The following MAF variants were observed in gnomAD, a reference collection of about 807,000 sequenced individuals.
MAF encodes MAF bZIP transcription factor.
Under a neutral mutation model 22.0 loss-of-function variants are expected in MAF, and 10 were observed. The observed-to-expected ratio is 0.45, with a 90% confidence interval of 0.28 to 0.77. MAF has a LOEUF of 0.77. Among genes scored for constraint, MAF ranks in the 30% least tolerant of loss-of-function variants. The probability of loss-of-function intolerance (pLI) is 0.12; values close to 1 mark genes in which losing one functional copy is unlikely to be tolerated. For synonymous variants in MAF, 337 were observed against 255.8 expected (o/e 1.32, Z -3.03); for missense variants, 544 against 548.4 (o/e 0.99, Z 0.08).
At chr16:79,223,847 C>G in the MAF span, among the ~76,000 whole-genome samples, 1 of 152,244 alleles carries the variant, frequency 6.6e-6, no homozygotes, top group South Asian at 2.1e-4. Flanking sequence ...ATAACAAGTT[C>G]TGAAATTGAG....
chr16:79,446,172 GTC>G, the MAF span, among the ~76,000 whole-genome samples: 1 of 152,182 alleles, frequency 6.6e-6, no homozygotes, highest in Non-Finnish European at 1.5e-5. Context: ...AAGGGGATAT[GTC>G]TCTCTAGGAT....
the MAF span, among the ~76,000 whole-genome samples, chr16:79,521,794 C>T: frequency 0.035 from 5,349 of 152,180 alleles, 341 homozygotes; most frequent in African/African-American, 0.12. Flanking sequence ...AATTATAATG[C>T]GTGCTTTCTA....
chr16:79,428,508 G>C, the MAF span, among the ~76,000 whole-genome samples: 5 of 152,172 alleles, frequency 3.3e-5, no homozygotes, highest in African/African-American at 1.2e-4. Context: ...GAGACAGAGA[G>C]ACAGAGAGAG....
the MAF span, among the ~76,000 whole-genome samples, chr16:79,435,756 T>G: frequency 1.3e-5 from 2 of 152,306 alleles, no homozygotes; most frequent in Non-Finnish European, 2.9e-5. Context: ...AGATGTGCAT[T>G]TGTCTTGACC....
chr16:79,440,662 T>C, the MAF span, among the ~76,000 whole-genome samples: 1 of 152,318 alleles, frequency 6.6e-6, no homozygotes, highest in South Asian at 2.1e-4. Context: ...CCACCCGCCT[T>C]GGCCTCCCAA....
chr16:79,592,548 G>C (rs1276262743), downstream of MAF, among the ~76,000 whole-genome samples: 1 of 152,218 alleles, frequency 6.6e-6, no homozygotes, highest in Non-Finnish European at 1.5e-5. Flanking sequence ...AATCCTGATT[G>C]AGGTGGCTGG....
At chr16:79,558,120 T>A in the MAF span, among the ~76,000 whole-genome samples, 6 of 152,162 alleles carry the variant, frequency 3.9e-5, no homozygotes, top group Non-Finnish European at 5.9e-5. Context: ...AGCTGAAGTA[T>A]CTCACAATTG....
the MAF span, among the ~76,000 whole-genome samples, chr16:79,542,795 T>C: frequency 6.6e-6 from 1 of 152,230 alleles, no homozygotes; most frequent in African/African-American, 2.4e-5. Flanking sequence ...CTGGCCTTGG[T>C]TAATCTTCAG....
the MAF span, among the ~76,000 whole-genome samples, chr16:79,442,813 G>C: frequency 6.6e-6 from 1 of 152,220 alleles, no homozygotes; most frequent in South Asian, 2.1e-4. Context: ...TAGGGCAGAG[G>C]AAACAGCTTC....
At chr16:79,365,758 C>A in the MAF span, among the ~76,000 whole-genome samples, 2 of 151,536 alleles carry the variant, frequency 1.3e-5, no homozygotes, top group Non-Finnish European at 2.9e-5. Context: ...GGCCAAATAT[C>A]TCATGGGGTG....
the MAF span, among the ~76,000 whole-genome samples, chr16:79,434,520 T>C: frequency 2.0e-5 from 3 of 152,154 alleles, no homozygotes; most frequent in East Asian, 5.8e-4. Flanking sequence ...TGAGCTCCCA[T>C]TGGCTCACTA....
the MAF span, among the ~76,000 whole-genome samples, chr16:79,222,938 C>T: frequency 3.9e-5 from 6 of 152,186 alleles, no homozygotes; most frequent in African/African-American, 1.2e-4. Context: ...CAACACTCCA[C>T]TGTCAATATT....
chr16:79,531,282 A>C, the MAF span, among the ~76,000 whole-genome samples: 1 of 152,186 alleles, frequency 6.6e-6, no homozygotes, highest in African/African-American at 2.4e-5. Context: ...TATCCTCTGC[A>C]TCTCATCTCT....
At chr16:79,506,379 GAGAGT>G in the MAF span, among the ~76,000 whole-genome samples, 8 of 152,166 alleles carry the variant, frequency 5.3e-5, no homozygotes, top group African/African-American at 1.7e-4. Context: ...GGTTTGAACA[GAGAGT>G]GGCTCAACCT....
chr16:79,588,245 C>A (rs1597835080), intron 1 of MAF, among the ~76,000 whole-genome samples: 1 of 152,298 alleles, frequency 6.6e-6, no homozygotes, highest in Admixed American at 6.5e-5. Context: ...TGTCTCCACA[C>A]TGCTCCGAGT....
At chr16:79,217,871 C>T in the MAF span, among the ~76,000 whole-genome samples, 1 of 151,676 alleles carries the variant, frequency 6.6e-6, no homozygotes, top group African/African-American at 2.4e-5. Context: ...GTTTTGAACT[C>T]CAGTGAAGGA....
chr16:79,418,852 A>C, the MAF span, among the ~76,000 whole-genome samples: 2 of 152,184 alleles, frequency 1.3e-5, no homozygotes, highest in South Asian at 2.1e-4. Context: ...GTGGAGCTGC[A>C]GGCCCCAACA....
chr16:79,394,417 C>T, the MAF span, among the ~76,000 whole-genome samples: 2 of 152,174 alleles, frequency 1.3e-5, no homozygotes, highest in Non-Finnish European at 2.9e-5. Context: ...TTGGTTCCTC[C>T]CTCCCCTGGG....
chr16:79,216,697 A>G, the MAF span, among the ~76,000 whole-genome samples: 34 of 152,056 alleles, frequency 2.2e-4, no homozygotes, highest in Admixed American at 7.2e-4. Context: ...TATATTTTCA[A>G]CTTACTATGG....
Sources: allele counts gnomAD v4.1 joint callset (sites outside exome capture counted in the v4.1 genomes callset), GRCh38; gene constraint gnomAD v4.1.1; transcripts MANE v1.5; gene names NCBI Gene and HGNC (gene_info 2026-07-23, HGNC 2026-07-21).